LATS2: variants seen among roughly 807,000 people sequenced by gnomAD.
LATS2 encodes serine/threonine-protein kinase LATS2.
A neutral mutation model predicts 76.0 loss-of-function variants in LATS2; 24 were observed. That is an observed-to-expected ratio of 0.32 (90% CI 0.23 to 0.44). The LOEUF (loss-of-function observed/expected upper bound fraction) is 0.44, where lower values mean the gene tolerates loss of function less well. LATS2 is among the 20% of genes least tolerant of loss of function. The pLI, the probability that LATS2 is intolerant of heterozygous loss-of-function variation, is 1.00. For missense variants in LATS2, 1,286 were observed against 1,481.2 expected, an observed-to-expected ratio of 0.87 and a Z score of 2.16; for synonymous variants, 692 against 635.4, an observed-to-expected ratio of 1.09 and a Z score of -1.34.
Position 20,975,786 on chromosome 13 carries a change from C to T in LATS2, c.2773-422G>A, listed in dbSNP as rs1438325059. Among the ~76,000 whole-genome samples the T allele has an allele frequency of 5.9e-5, 9 of 152,060 alleles. No homozygotes were observed. The East Asian group carries it at 7.7e-4, about 13-fold the overall frequency. Reference sequence around the variant, plus strand: ...GCAACCTCCGCCTCCTGGGTTCAAGCGATTCTCCTGCCTCAGCCTCCCGAG... The same window carrying T: ...GCAACCTCCGCCTCCTGGGTTCAAGTGATTCTCCTGCCTCAGCCTCCCGAG... On this transcript the variant is annotated intron_variant, in intron 7 of 7. Coordinates refer to ENST00000382592, the MANE Select transcript of LATS2 (RefSeq NM_014572.3).
At chr13:20,999,321 G>C (rs545219146) in intron 2 of LATS2, among the ~76,000 whole-genome samples, 47 of 152,316 alleles carry the variant, frequency 3.1e-4, no homozygotes, top group African/African-American at 8.9e-4. Context: ...ACACCTGCTC[G>C]GCACATACAG....
intron 1 of LATS2, among the ~76,000 whole-genome samples, chr13:21,047,783 A>C (rs1036376530): frequency 1.3e-5 from 2 of 152,100 alleles, no homozygotes; most frequent in African/African-American, 2.4e-5. Flanking sequence ...ATTTACATAG[A>C]TCTATTGCAC....
chr13:20,998,173 C>T (rs958000297), intron 2 of LATS2, among the ~76,000 whole-genome samples: 4 of 151,928 alleles, frequency 2.6e-5, no homozygotes, highest in African/African-American at 9.7e-5. Context: ...CCAGCCTGGG[C>T]AAGACCCGCA....
intron 2 of LATS2, among the ~76,000 whole-genome samples, chr13:21,000,463 G>A (rs1317235380): frequency 6.6e-6 from 1 of 152,034 alleles, no homozygotes; most frequent in Non-Finnish European, 1.5e-5. Flanking sequence ...ATTCAGGGGT[G>A]AATATTTATT....
Position 20,987,943 on chromosome 13 carries a change from C to T in LATS2, c.1837G>A (p.Val613Ile). ...ACCTTCTGCTGGTAGGTTTTGATGACATTCTCCACGTGCTGCTCCATGAAG... is the reference window on the plus strand; with the variant it reads ...ACCTTCTGCTGGTAGGTTTTGATGATATTCTCCACGTGCTGCTCCATGAAG... ...KFFMEQHVEN[V>I]IKTYQQKVNR... Residue 613 changes from valine (V) to isoleucine (I), a missense_variant, in exon 4 of 8, where the codon GTC (valine) becomes ATC (isoleucine). Around this residue, in one of 5 missense-constraint regions of LATS2, gnomAD observed 247 missense variants for 385.4 expected, o/e 0.64. Transcript: ENST00000382592. The T allele has an allele frequency of 1.2e-6, 2 of 1,614,254 alleles. No homozygotes were observed. The highest frequency in any genetic ancestry group is 1.7e-6 in the Non-Finnish European group (2 of 1,180,038).
At position 20,985,839 on chromosome 13, in the gene LATS2, A is replaced by C. The variant is rs150586388; in HGVS notation, c.1900-2033T>G. ...GACAGGTGGATCATCTGAGGTCGGA[A>C]GTTTGAGACCAGCCTGAACAACATG... On this transcript the variant is annotated intron_variant, in intron 4 of 7. Transcript: ENST00000382592. 6.5e-3 allele frequency among the ~76,000 whole-genome samples: 984 copies of C among 152,188 alleles called. 35 individuals carry two copies. The highest frequency in any genetic ancestry group is 0.055 in the Admixed American group (845 of 15,274).
At chr13:21,012,048 A>G (rs1383113119) in intron 2 of LATS2, among the ~76,000 whole-genome samples, 1 of 152,200 alleles carries the variant, frequency 6.6e-6, no homozygotes, top group East Asian at 1.9e-4. Context: ...TTTCTCATCA[A>G]CGCTATAACA....
At position 21,045,644 on chromosome 13, in the gene LATS2, T is replaced by TA. The variant is rs749027289; in HGVS notation, c.342+40dup. The TA allele has an allele frequency of 9.9e-6, 15 of 1,518,820 alleles. No homozygotes were observed. The South Asian group carries it at 1.7e-4, about 17-fold the overall frequency. The allele number at this position is 1,518,820 out of a possible 1,614,324, so 94.1% of individuals were successfully genotyped here. Reference sequence around the variant, plus strand: ...CATTCTGACTGCCCCAGCTGTCCCATAGCTGCCTCTGCACATGGCCCTGCA... The same window carrying TA: ...CATTCTGACTGCCCCAGCTGTCCCATAAGCTGCCTCTGCACATGGCCCTGCA... On this transcript the variant is annotated intron_variant, in intron 2 of 7. Coordinates refer to ENST00000382592, the MANE Select transcript of LATS2 (RefSeq NM_014572.3).
In LATS2 at chr13:20,988,954, G is replaced by A; in HGVS notation, c.826C>T (p.Gln276Ter). Residue 276 changes from glutamine to a stop codon, truncating the protein, a stop_gained, in exon 4 of 8, where the codon CAG (glutamine) becomes TAG (stop). Coordinates refer to ENST00000382592, the MANE Select transcript of LATS2 (RefSeq NM_014572.3). LOFTEE classifies it high-confidence loss of function. The part of the protein sequence containing the change: ...GYGVQRSPSF[Q>*]SKTPPETGGY... Reference sequence around the variant, plus strand: ...CCGGTCTCCGGCGGCGTCTTGCTCTGGAAGGAGGGGCTGCGCTGCACTCCG... The same window carrying A: ...CCGGTCTCCGGCGGCGTCTTGCTCTAGAAGGAGGGGCTGCGCTGCACTCCG... 6.5e-7 allele frequency: 1 copy of A among 1,536,700 alleles called. No individual in the cohort carries two copies. Among genetic ancestry groups the A allele is most frequent in the Non-Finnish European group, 8.7e-7 (1 of 1,146,406 alleles).
chr13:21,040,895 T>C (rs1360664387), intron 2 of LATS2, among the ~76,000 whole-genome samples: 2 of 151,974 alleles, frequency 1.3e-5, no homozygotes, highest in Non-Finnish European at 2.9e-5. Flanking sequence ...GGAATCTGAG[T>C]CCTTTTAAAT....
At chr13:20,994,565 G>A (rs1260193817) in intron 2 of LATS2, among the ~76,000 whole-genome samples, 1 of 152,208 alleles carries the variant, frequency 6.6e-6, no homozygotes, top group Non-Finnish European at 1.5e-5. Context: ...AAGCCTGGCC[G>A]AGGAGCTTGG....
chr13:21,056,907 T>A (rs568516689), intron 1 of LATS2, among the ~76,000 whole-genome samples: 1 of 152,298 alleles, frequency 6.6e-6, no homozygotes, highest in East Asian at 1.9e-4. Context: ...AGCCTGGAAC[T>A]TCCAATGAAA....
In LATS2 at chr13:21,061,482, G is replaced by A. The variant is rs1873648254; in HGVS notation, c.-341C>T. The A allele has an allele frequency of 6.5e-6, 1 of 153,404 alleles. No homozygotes were observed. Among genetic ancestry groups the A allele is most frequent in the African/African-American group, 2.4e-5 (1 of 41,472 alleles). 9.5% of individuals were successfully genotyped at this position (153,404 alleles called of 1,614,324 possible). A position where few individuals can be genotyped will look rare whatever the true frequency, so the allele number is the denominator to read the frequency against. On this transcript the variant is annotated 5_prime_UTR_variant, in exon 1 of 8. Coordinates refer to ENST00000382592, the MANE Select transcript of LATS2 (RefSeq NM_014572.3). ...CGGGGGAGCCCCGGGCGGCGGCGGTGGCGTGGACGGCGACTGCTCCATCTT... is the reference window on the plus strand; with the variant it reads ...CGGGGGAGCCCCGGGCGGCGGCGGTAGCGTGGACGGCGACTGCTCCATCTT...
intron 7 of LATS2, among the ~76,000 whole-genome samples, 185 bp downstream of exon 7, chr13:20,979,506 C>T (rs1869773706): frequency 6.6e-6 from 1 of 151,898 alleles, no homozygotes; most frequent in Admixed American, 6.6e-5. Flanking sequence ...CTTTGCTTAT[C>T]AAAATAGAAA....
In LATS2 at chr13:20,976,514, T is replaced by C. The variant is rs187324521; in HGVS notation, c.2773-1150A>G. ...TACTGATAGCAAAAAGGCAACAAAA[T>C]GGGAGAACAGATTTCAAAACATGTA... On this transcript the variant is annotated intron_variant, in intron 7 of 7. Coordinates refer to ENST00000382592, the MANE Select transcript of LATS2 (RefSeq NM_014572.3). 6.9e-4 allele frequency among the ~76,000 whole-genome samples: 105 copies of C among 152,178 alleles called. 1 individual carries two copies. Among genetic ancestry groups the C allele is most frequent in the Non-Finnish European group, 4.9e-4 (33 of 68,014 alleles).
chr13:21,012,362 GGTTT>G (rs1435984528), intron 2 of LATS2, among the ~76,000 whole-genome samples: 1 of 152,144 alleles, frequency 6.6e-6, no homozygotes, highest in Non-Finnish European at 1.5e-5. Context: ...CAGTGCTGTA[GGTTT>G]GTTTACACCA....
At chr13:21,019,517 ATT>A (rs1871956482) in intron 2 of LATS2, among the ~76,000 whole-genome samples, 1 of 119,602 alleles carries the variant, frequency 8.4e-6, no homozygotes, top group Non-Finnish European at 1.7e-5. Context: ...GTATTTTTGT[ATT>A]TTTAGTAGAG....
chr13:20,987,211 TAAAAAATAA>T (rs1450884685), intron 4 of LATS2, among the ~76,000 whole-genome samples: 1 of 62,644 alleles, frequency 1.6e-5, no homozygotes, highest in Non-Finnish European at 3.9e-5. Context: ...AATTAAAAAA[TAAAAAATAA>T]AAATAAAAAA....
At chr13:21,052,228 T>C (rs1448214026) in intron 1 of LATS2, among the ~76,000 whole-genome samples, 1 of 152,218 alleles carries the variant, frequency 6.6e-6, no homozygotes, top group Non-Finnish European at 1.5e-5. Flanking sequence ...ATTATCACCA[T>C]TACTAATTAA....
Sources: gnomAD v4.1 joint callset for allele counts (sites outside exome capture counted in the v4.1 genomes callset) on GRCh38, gnomAD v4.1.1 for gene constraint, gnomAD v4.1.1 regional missense constraint, MANE v1.5 for transcripts, NCBI Gene and HGNC (gene_info 2026-07-23, HGNC 2026-07-21) for gene names.